The following ZNF385D variants were observed in gnomAD, a reference collection of about 807,000 sequenced individuals.
The protein encoded by ZNF385D is zinc finger protein 659.
A neutral mutation model predicts 35.8 loss-of-function variants in ZNF385D; 15 were observed. That is an observed-to-expected ratio of 0.42 (90% CI 0.28 to 0.64). ZNF385D has a LOEUF of 0.64. Among genes scored for constraint, ZNF385D ranks in the 30% least tolerant of loss-of-function variants. The pLI is 0.23. For synonymous variants in ZNF385D, 212 were observed against 186.8 expected (o/e 1.13, Z -1.10); for missense variants, 474 against 494.6 (o/e 0.96, Z 0.39).
chr3:22,095,090 T>TTC (rs1553606661), intron 3 of ZNF385D, among the ~76,000 whole-genome samples: 5 of 59,204 alleles, frequency 8.4e-5, no homozygotes, highest in Non-Finnish European at 1.5e-4. Flanking sequence ...CATTCTTTCT[T>TTC]TTTTTTTTTT....
In ZNF385D at chr3:21,794,127, G is replaced by A. The variant is rs181147696; in HGVS notation, c.326-129099C>T. ...AAAAACAAATGAGAGCCTTATGTGC[G>A]TAGCAAAATTTCTTTTCGTGACCAA... On this transcript the variant is annotated intron_variant, in intron 3 of 5. Coordinates refer to the ZNF385D transcript ENST00000494108. Among the ~76,000 whole-genome samples the A allele has an allele frequency of 5.1e-4, 77 of 152,214 alleles. 1 individual carries two copies. The highest frequency in any genetic ancestry group is 1.1e-3 in the Admixed American group (17 of 15,290).
intron 3 of ZNF385D, among the ~76,000 whole-genome samples, chr3:21,960,199 G>A: frequency 2.9e-5 from 1 of 33,994 alleles, no homozygotes; most frequent in East Asian, 7.2e-4. Flanking sequence ...CAACTAAACA[G>A]CAATACACAC....
At chr3:21,898,859 C>T (rs1476267570) in intron 3 of ZNF385D, among the ~76,000 whole-genome samples, 5 of 152,072 alleles carry the variant, frequency 3.3e-5, no homozygotes, top group Non-Finnish European at 5.9e-5. Context: ...ATAAAGGAGA[C>T]ATTTTTCCCT....
chr3:22,262,065 A>G (rs903914902), intron 2 of ZNF385D, among the ~76,000 whole-genome samples: 1 of 152,040 alleles, frequency 6.6e-6, no homozygotes, highest in African/African-American at 2.4e-5. Context: ...TTTTAAAATA[A>G]TATTCTAAAG....
At chr3:21,687,583 C>T (rs1034656170) in intron 1 of ZNF385D, among the ~76,000 whole-genome samples, 2 of 152,008 alleles carry the variant, frequency 1.3e-5, no homozygotes, top group Non-Finnish European at 2.9e-5. Context: ...TCATTATTGT[C>T]CAGGGTTCAT....
chr3:22,008,882 G>C (rs1475020415), intron 3 of ZNF385D, among the ~76,000 whole-genome samples: 1 of 152,132 alleles, frequency 6.6e-6, no homozygotes, highest in Non-Finnish European at 1.5e-5. Flanking sequence ...TTTTAGGAAA[G>C]TAGAATATCT....
intron 3 of ZNF385D, among the ~76,000 whole-genome samples, chr3:21,907,594 T>C (rs1264992659): frequency 6.6e-6 from 1 of 152,102 alleles, no homozygotes; most frequent in Non-Finnish European, 1.5e-5. Flanking sequence ...GTCAGATTAG[T>C]CCTAAATGTG....
chr3:21,974,570 A>G (rs1703474428), intron 3 of ZNF385D, among the ~76,000 whole-genome samples: 2 of 152,098 alleles, frequency 1.3e-5, no homozygotes, highest in South Asian at 4.1e-4. Flanking sequence ...AAATGGACAA[A>G]TGGGTTCACA....
upstream of ZNF385D, among the ~76,000 whole-genome samples, chr3:21,754,780 G>A (rs1380193581): frequency 6.6e-6 from 1 of 151,988 alleles, no homozygotes; most frequent in Non-Finnish European, 1.5e-5. Context: ...GTGAGGGCAG[G>A]GATTTTATCT....
At position 21,821,384 on chromosome 3, in the gene ZNF385D, G is replaced by A. The variant is rs59901760; in HGVS notation, c.326-156356C>T. On this transcript the variant is annotated intron_variant, in intron 3 of 5. Transcript: ENST00000494108. ...TTAAGCATTTGACAAATTTTTAAAGGCTTTTATGATAAATACTCCCACCTA... is the reference window on the plus strand; with the variant it reads ...TTAAGCATTTGACAAATTTTTAAAGACTTTTATGATAAATACTCCCACCTA... Among the ~76,000 whole-genome samples, 450 of 152,154 alleles carry A rather than the reference G, an allele frequency of 3.0e-3. 2 individuals carry two copies. The highest frequency in any genetic ancestry group is 0.01 in the African/African-American group (419 of 41,510).
At chr3:22,020,888 C>A (rs1697184699) in intron 3 of ZNF385D, among the ~76,000 whole-genome samples, 2 of 151,800 alleles carry the variant, frequency 1.3e-5, no homozygotes, top group South Asian at 2.1e-4. Flanking sequence ...TGTCCATGAA[C>A]AGGTCATTAG....
At chr3:21,765,732 A>AAG (rs986766478) in intron 3 of ZNF385D, among the ~76,000 whole-genome samples, 3 of 78,962 alleles carry the variant, frequency 3.8e-5, no homozygotes, top group Non-Finnish European at 6.6e-5. Flanking sequence ...CAGAGAGAGA[A>AAG]AGAGAGAGAG....
chr3:21,435,545 G>A (rs780229276), intron 5 of ZNF385D, among the ~76,000 whole-genome samples: 2 of 151,978 alleles, frequency 1.3e-5, no homozygotes, highest in Non-Finnish European at 2.9e-5. Context: ...GATTACAGGT[G>A]TAAAACACCA....
At chr3:21,730,433 G>T (rs1359222092) in intron 1 of ZNF385D, among the ~76,000 whole-genome samples, 1 of 152,150 alleles carries the variant, frequency 6.6e-6, no homozygotes, top group Non-Finnish European at 1.5e-5. Context: ...CCTTGTAAAT[G>T]CAGAGATATC....
chr3:22,311,054 G>C (rs1034803233), intron 2 of ZNF385D, among the ~76,000 whole-genome samples: 1 of 151,794 alleles, frequency 6.6e-6, no homozygotes, highest in African/African-American at 2.4e-5. Flanking sequence ...AATAAGGAAT[G>C]ACTAGAAGCA....
chr3:21,836,609 C>A (rs1695346286), intron 3 of ZNF385D, among the ~76,000 whole-genome samples: 1 of 152,080 alleles, frequency 6.6e-6, no homozygotes, highest in Non-Finnish European at 1.5e-5. Context: ...CACACAGCCT[C>A]TATCACAGCC....
At chr3:21,726,936 AG>A (rs2068790061) in intron 1 of ZNF385D, among the ~76,000 whole-genome samples, 1 of 152,216 alleles carries the variant, frequency 6.6e-6, no homozygotes, top group Non-Finnish European at 1.5e-5. Context: ...ACAAGGCTGT[AG>A]TAACCAGAAC....
rs116764854 is a variant in ZNF385D at position 22,261,761 on chromosome 3, G to A, written c.107-92726C>T. Among the ~76,000 whole-genome samples the A allele has an allele frequency of 7.2e-3, 1,095 of 152,028 alleles. 13 individuals are homozygous for A. The highest frequency in any genetic ancestry group is 0.024 in the African/African-American group (976 of 41,516). ...CGTGTTCCTCTAACCAAAGGCCACAGAGCCCATCTGTTGGCTTCTTCAACA... is the reference window on the plus strand; with the variant it reads ...CGTGTTCCTCTAACCAAAGGCCACAAAGCCCATCTGTTGGCTTCTTCAACA... On this transcript the variant is annotated intron_variant, in intron 2 of 5. Transcript: ENST00000494108.
At chr3:22,220,833 T>C (rs1698210930) in intron 2 of ZNF385D, among the ~76,000 whole-genome samples, 1 of 152,208 alleles carries the variant, frequency 6.6e-6, no homozygotes, top group Non-Finnish European at 1.5e-5. Flanking sequence ...ATTTGCAGTG[T>C]ATTTTACAGA....
Sources: gnomAD v4.1 joint callset for allele counts (sites outside exome capture counted in the v4.1 genomes callset) on GRCh38, gnomAD v4.1.1 for gene constraint, MANE v1.5 for transcripts, NCBI Gene and HGNC (gene_info 2026-07-23, HGNC 2026-07-21) for gene names.